DAB1: variants seen among roughly 807,000 people sequenced by gnomAD.
The protein encoded by DAB1 is DAB adaptor protein 1, also known as disabled homolog 1.
DAB1 carries 15 observed loss-of-function variants against 64.6 expected under a neutral mutation model. That is an observed-to-expected ratio of 0.23 (90% CI 0.16 to 0.36). The LOEUF (loss-of-function observed/expected upper bound fraction) is 0.36. Ranked by LOEUF, DAB1 falls within the 10% of genes least tolerant of loss-of-function variation. DAB1 has a pLI of 1.00. For missense variants in DAB1, 596 were observed against 706.7 expected (o/e 0.84, Z 1.78); for synonymous variants, 235 against 251.9 (o/e 0.93, Z 0.64).
intron 1 of DAB1, among the ~76,000 whole-genome samples, chr1:57,355,859 G>C (rs114527665): frequency 0.015 from 2,021 of 135,206 alleles, 56 homozygotes; most frequent in African/African-American, 0.053. Flanking sequence ...TAGCTTTTTT[G>C]TTAAACCTCA....
intron 4 of DAB1, among the ~76,000 whole-genome samples, chr1:58,213,161 T>A (rs1375808918): frequency 6.6e-6 from 1 of 152,174 alleles, no homozygotes; most frequent in African/African-American, 2.4e-5. Flanking sequence ...AAATTTGGTA[T>A]AAGGAATGAA....
chr1:58,451,738 C>A (rs894582234), intron 3 of DAB1, among the ~76,000 whole-genome samples: 1 of 151,730 alleles, frequency 6.6e-6, no homozygotes, highest in Non-Finnish European at 1.5e-5. Context: ...GAAAAAAATA[C>A]CAAAGATAAA....
chr1:58,354,333 A>G (rs963774518), intron 3 of DAB1, among the ~76,000 whole-genome samples: 4 of 152,176 alleles, frequency 2.6e-5, no homozygotes, highest in African/African-American at 9.7e-5. Context: ...TCCTTGTAAC[A>G]TATTATAAAA....
chr1:57,950,668 C>G (rs928304425), intron 5 of DAB1, among the ~76,000 whole-genome samples: 1 of 152,180 alleles, frequency 6.6e-6, no homozygotes, highest in South Asian at 2.1e-4. Flanking sequence ...TTTGCATATT[C>G]TATTCCCTCT....
At chr1:57,543,593 G>A (rs1296837725) in intron 7 of DAB1, among the ~76,000 whole-genome samples, 1 of 152,048 alleles carries the variant, frequency 6.6e-6, no homozygotes, top group African/African-American at 2.4e-5. Context: ...AAAACACAAA[G>A]TCCTAAGAAA....
intron 3 of DAB1, among the ~76,000 whole-genome samples, chr1:58,377,179 A>T (rs1440493635): frequency 6.6e-6 from 1 of 150,912 alleles, no homozygotes; most frequent in Non-Finnish European, 1.5e-5. Context: ...GTCCATTTAC[A>T]ATTAAAATTA....
chr1:57,585,141 C>T (rs189791977), intron 7 of DAB1, among the ~76,000 whole-genome samples: 24 of 148,300 alleles, frequency 1.6e-4, no homozygotes, highest in Non-Finnish European at 2.7e-4. Context: ...GCCAGCTACT[C>T]GGGAGGCTGA....
At chr1:58,509,141 A>G (rs1646034542) in intron 2 of DAB1, among the ~76,000 whole-genome samples, 1 of 150,718 alleles carries the variant, frequency 6.6e-6, no homozygotes, top group Admixed American at 6.6e-5. Flanking sequence ...ATGTGTAGAT[A>G]TCAACAATAA....
intron 6 of DAB1, among the ~76,000 whole-genome samples, chr1:57,688,845 G>A (rs3131766): frequency 0.74 from 111,794 of 152,072 alleles, 41,985 homozygotes; most frequent in East Asian, 0.93. Context: ...ATTCTCACTT[G>A]TAAGTGGGAG....
chr1:58,205,873 C>T (rs183167822), intron 4 of DAB1, among the ~76,000 whole-genome samples: 15 of 152,344 alleles, frequency 9.8e-5, no homozygotes, highest in African/African-American at 3.4e-4. Context: ...GCGGACCAAT[C>T]TGTCCCAGAA....
At chr1:57,739,464 C>T (rs184723974) in intron 6 of DAB1, among the ~76,000 whole-genome samples, 7 of 43,970 alleles carry the variant, frequency 1.6e-4, no homozygotes, top group African/African-American at 4.6e-4. Flanking sequence ...CCCCTTCCCT[C>T]CCCTCCCCTC....
chr1:58,462,803 T>C (rs539078278), intron 3 of DAB1: 5 of 152,276 alleles, frequency 3.3e-5, no homozygotes, highest in East Asian at 1.9e-4. Context: ...CTCTGTAAAA[T>C]AGGGATGAAG....
At chr1:57,098,318 AATATT>A in intron 4 of DAB1, among the ~76,000 whole-genome samples, 1 of 152,292 alleles carries the variant, frequency 6.6e-6, no homozygotes, top group East Asian at 1.9e-4. Flanking sequence ...CCTGTAGGAT[AATATT>A]ATAATTCTAA....
intron 12 of DAB1, among the ~76,000 whole-genome samples, chr1:57,012,025 C>T (rs1646282650): frequency 6.6e-6 from 1 of 152,216 alleles, no homozygotes; most frequent in African/African-American, 2.4e-5. Flanking sequence ...GACCCACCCA[C>T]ATCTCCTCTC....
At chr1:58,468,333 C>T (rs1645317705) in intron 3 of DAB1, 1 of 152,224 alleles carries the variant, frequency 6.6e-6, no homozygotes, top group Admixed American at 6.5e-5. Context: ...GTATGTATCA[C>T]TCTGCAACAT....
At chr1:57,161,757 C>G (rs1660773049) in intron 2 of DAB1, among the ~76,000 whole-genome samples, 2 of 151,614 alleles carry the variant, frequency 1.3e-5, no homozygotes, top group South Asian at 4.2e-4. Context: ...GAAAGCCACC[C>G]ATAACACCAC....
intron 4 of DAB1, among the ~76,000 whole-genome samples, chr1:58,296,297 C>T (rs1473028202): frequency 6.6e-6 from 1 of 151,928 alleles, no homozygotes; most frequent in Non-Finnish European, 1.5e-5. Flanking sequence ...TACTGAGTGT[C>T]CACAGTGGTA....
At chr1:57,845,930 A>T (rs952910047) in intron 1 of DAB1, among the ~76,000 whole-genome samples, 1 of 151,972 alleles carries the variant, frequency 6.6e-6, no homozygotes, top group Non-Finnish European at 1.5e-5. Context: ...GAATAAATAC[A>T]CTCCACTTTA....
At chr1:57,847,796 C>CA (rs1360460784) in intron 1 of DAB1, among the ~76,000 whole-genome samples, 1 of 151,856 alleles carries the variant, frequency 6.6e-6, no homozygotes, top group African/African-American at 2.4e-5. Flanking sequence ...AATAAAAAGA[C>CA]AAAAATAGAA....
Sources: allele counts gnomAD v4.1 joint callset (sites outside exome capture counted in the v4.1 genomes callset), GRCh38; gene constraint gnomAD v4.1.1; transcripts MANE v1.5; gene names NCBI Gene and HGNC (gene_info 2026-07-23, HGNC 2026-07-21).